The following SEPTIN7 variants were observed in gnomAD, a reference collection of about 807,000 sequenced individuals.
The protein encoded by SEPTIN7 is septin 7.
Under a neutral mutation model 63.3 loss-of-function variants are expected in SEPTIN7, and 10 were observed. That is an observed-to-expected ratio of 0.16 (90% CI 0.10 to 0.27). SEPTIN7 has a LOEUF of 0.27. Ranked by LOEUF, SEPTIN7 falls within the 10% of genes least tolerant of loss-of-function variation. The pLI, the probability that SEPTIN7 is intolerant of heterozygous loss-of-function variation, is 1.00. For missense variants in SEPTIN7, 310 were observed against 521.0 expected (o/e 0.59, Z 3.94); for synonymous variants, 131 against 165.3 (o/e 0.79, Z 1.59).
intron 10 of SEPTIN7, among the ~76,000 whole-genome samples, chr7:35,889,187 G>A (rs1257178107): frequency 6.6e-6 from 1 of 152,240 alleles, no homozygotes; most frequent in African/African-American, 2.4e-5. Flanking sequence ...AGTCTTTGAC[G>A]AGAGATTGAC....
At chr7:35,810,542 C>G (rs2115696866) in intron 1 of SEPTIN7, among the ~76,000 whole-genome samples, 1 of 152,036 alleles carries the variant, frequency 6.6e-6, no homozygotes, top group East Asian at 2.0e-4. Flanking sequence ...CCAGGATGGT[C>G]TCAATCTCCT....
At chr7:35,864,910 T>C (rs1486218370) in intron 4 of SEPTIN7, among the ~76,000 whole-genome samples, 2 of 152,146 alleles carry the variant, frequency 1.3e-5, no homozygotes, top group African/African-American at 4.8e-5. Flanking sequence ...CTGTATATTC[T>C]GGGCAGTAAC....
intron 7 of SEPTIN7, 68 bp downstream of exon 7, chr7:35,880,008 G>A (rs1786730429): frequency 6.0e-6 from 5 of 828,470 alleles, no homozygotes; most frequent in Admixed American, 2.0e-5. Flanking sequence ...ACTATTTTTA[G>A]TATAATGTGT....
intron 3 of SEPTIN7, among the ~76,000 whole-genome samples, chr7:35,861,805 C>T (rs1374665167): frequency 2.0e-5 from 3 of 152,272 alleles, no homozygotes; most frequent in African/African-American, 7.2e-5. Context: ...GCACTCTTGC[C>T]GCTCATTTGA....
rs111720392 is a variant in SEPTIN7, at chr7:35,879,976, G to T, written c.630+36G>T. ...TGTGTTAACCCAGGTTTCTTATACC[G>T]TTCTCATAATTTGCAGTTTTTACTA... On this transcript the variant is annotated intron_variant, in intron 7 of 13. Coordinates refer to ENST00000350320, the MANE Select transcript of SEPTIN7 (RefSeq NM_001788.6). 8 of 1,214,888 alleles carry T rather than the reference G, an allele frequency of 6.6e-6. No homozygotes were observed. In the Admixed American group the frequency reaches 9.8e-5, roughly 15 times the overall value. The allele number at this position is 1,214,888 out of a possible 1,614,324, so 75.3% of individuals were successfully genotyped here.
rs1784687725 is a variant in SEPTIN7 at position 35,846,767 on chromosome 7, T to A, written c.169+13867T>A. On this transcript the variant is annotated intron_variant, in intron 3 of 13. Coordinates refer to ENST00000350320, the MANE Select transcript of SEPTIN7 (RefSeq NM_001788.6). ...CCTAGAGTTGCAAAATTCTACTGATTAGACCCAGGAGGTCTCAGGAGTCCA... is the reference window on the plus strand; with the variant it reads ...CCTAGAGTTGCAAAATTCTACTGATAAGACCCAGGAGGTCTCAGGAGTCCA... The A allele has an allele frequency of 2.6e-5, 4 of 155,134 alleles. No homozygotes were observed. In the Admixed American group the frequency reaches 2.6e-4, roughly 10 times the overall value. The allele number at this position is 155,134 out of a possible 1,614,324, so 9.6% of individuals were successfully genotyped here. A position where few individuals can be genotyped will look rare whatever the true frequency, so the allele number is the denominator to read the frequency against.
chr7:35,888,782 T>G (rs756232013), intron 10 of SEPTIN7: 1 of 265,452 alleles, frequency 3.8e-6, no homozygotes, highest in Non-Finnish European at 7.1e-6. Context: ...ATCGTACCAC[T>G]GCATTCCATC....
At chr7:35,866,006 G>T (rs1785789500) in intron 4 of SEPTIN7, among the ~76,000 whole-genome samples, 1 of 152,158 alleles carries the variant, frequency 6.6e-6, no homozygotes, top group Non-Finnish European at 1.5e-5. Context: ...GGGTAATGGA[G>T]GTAAGAATAT....
intron 1 of SEPTIN7, among the ~76,000 whole-genome samples, chr7:35,808,820 T>A (rs1788520555): frequency 6.6e-6 from 1 of 152,222 alleles, no homozygotes; most frequent in African/African-American, 2.4e-5. Context: ...GGATATATTT[T>A]GATTTGTTTA....
intron 1 of SEPTIN7, among the ~76,000 whole-genome samples, chr7:35,813,828 C>G (rs1045882698): frequency 1.3e-5 from 2 of 152,094 alleles, no homozygotes; most frequent in Admixed American, 6.5e-5. Context: ...ATTTCACATT[C>G]GATAGTGTAT....
chr7:35,905,483 A>G lies in SEPTIN7; in HGVS notation c.*1190A>G, dbSNP rs1788566950. ...TAAGAGATACCATATCTCTCTATTCATTTCTATCTCTCATTTGTATGCTTA... is the reference window on the plus strand; with the variant it reads ...TAAGAGATACCATATCTCTCTATTCGTTTCTATCTCTCATTTGTATGCTTA... On this transcript the variant is annotated 3_prime_UTR_variant, in exon 14 of 14. Transcript: ENST00000350320. 6.6e-6 allele frequency: 1 copy of G among 151,848 alleles called. No individual in the cohort carries two copies. Among genetic ancestry groups the G allele is most frequent in the African/African-American group, 2.4e-5 (1 of 41,306 alleles). 9.4% of individuals were successfully genotyped at this position (151,848 alleles called of 1,614,324 possible). A position where few individuals can be genotyped will look rare whatever the true frequency, so the allele number is the denominator to read the frequency against.
chr7:35,870,823 T>TAAAA (rs34827594), intron 4 of SEPTIN7, among the ~76,000 whole-genome samples: 96 of 114,646 alleles, frequency 8.4e-4, no homozygotes, highest in African/African-American at 2.8e-3. Context: ...AGACCCTGAC[T>TAAAA]AAAAAAAAAA....
At chr7:35,810,845 C>T (rs1788658724) in intron 1 of SEPTIN7, among the ~76,000 whole-genome samples, 1 of 151,638 alleles carries the variant, frequency 6.6e-6, no homozygotes, top group African/African-American at 2.4e-5. Context: ...AGGCTCACTG[C>T]AACCTCCACC....
chr7:35,914,658 T>G, the SEPTIN7 span, among the ~76,000 whole-genome samples: 1 of 47,012 alleles, frequency 2.1e-5, no homozygotes, highest in Non-Finnish European at 7.2e-5. Context: ...TCTCTCTCTC[T>G]CTATATATAT....
chr7:35,846,993 A>G (rs2727852), intron 3 of SEPTIN7: 8,665 of 154,400 alleles, frequency 0.056, 722 homozygotes, highest in African/African-American at 0.18. Context: ...CGCCAAGACC[A>G]TGCAGATTCC....
At chr7:35,827,148 A>T (rs1054923654) in intron 1 of SEPTIN7, among the ~76,000 whole-genome samples, 3 of 152,226 alleles carry the variant, frequency 2.0e-5, no homozygotes, top group African/African-American at 7.2e-5. Flanking sequence ...TATCTAGCAG[A>T]TACGCTTTTA....
At chr7:35,807,788 G>A (rs1257987134) in intron 1 of SEPTIN7, among the ~76,000 whole-genome samples, 3 of 152,114 alleles carry the variant, frequency 2.0e-5, no homozygotes, top group Middle Eastern at 3.4e-3. Flanking sequence ...GTGAGCCACC[G>A]CACCTGGTTG....
intron 11 of SEPTIN7, among the ~76,000 whole-genome samples, chr7:35,895,325 A>G (rs1481532974): frequency 1.3e-5 from 2 of 152,214 alleles, no homozygotes; most frequent in Non-Finnish European, 2.9e-5. Context: ...TAATATAAAA[A>G]TTAAAAATTT....
At chr7:35,803,186 T>G (rs1193462634) in intron 1 of SEPTIN7, 23 of 932,294 alleles carry the variant, frequency 2.5e-5, no homozygotes, top group Non-Finnish European at 2.9e-5. Context: ...AGATATTTGA[T>G]GCATACATAA....
Sources: gnomAD v4.1 joint callset for allele counts (sites outside exome capture counted in the v4.1 genomes callset) on GRCh38, gnomAD v4.1.1 for gene constraint, MANE v1.5 for transcripts, NCBI Gene and HGNC (gene_info 2026-07-23, HGNC 2026-07-21) for gene names.